The following TMEM53 variants were observed in gnomAD, a reference collection of about 807,000 sequenced individuals.
TMEM53 encodes the protein novel DUF829 domain-containing protein.
In TMEM53, 14 loss-of-function variants were observed where a neutral mutation model predicts 21.4. The ratio of observed to expected loss-of-function variants is 0.65; its 90% CI spans 0.43 to 1.02. The LOEUF (loss-of-function observed/expected upper bound fraction) is 1.02, where lower values mean the gene tolerates loss of function less well. Among genes scored for constraint, TMEM53 ranks in the 50% least tolerant of loss-of-function variants. The probability of loss-of-function intolerance (pLI) is 0.00; values close to 1 mark genes in which losing one functional copy is unlikely to be tolerated. For synonymous variants in TMEM53, 148 were observed against 157.4 expected (o/e 0.94, Z 0.45); for missense variants, 323 against 383.6 (o/e 0.84, Z 1.32).
chr1:44,665,773 T>G (rs139729408), intron 1 of TMEM53, among the ~76,000 whole-genome samples: 1,934 of 152,164 alleles, frequency 0.013, 48 homozygotes, highest in African/African-American at 0.043. Context: ...ACTACAAAAC[T>G]GTTAGACGAG....
intron 1 of TMEM53, among the ~76,000 whole-genome samples, chr1:44,661,750 C>T (rs1204664594): frequency 6.6e-6 from 1 of 152,140 alleles, no homozygotes; most frequent in African/African-American, 2.4e-5. Flanking sequence ...CTGCTCCCCA[C>T]CCTAAACTAC....
At position 44,668,916 on chromosome 1, in the gene TMEM53, T is replaced by C. The variant is rs920517366; in HGVS notation, c.61+5415A>G. On this transcript the variant is annotated intron_variant, in intron 1 of 2. Transcript: ENST00000372237. Reference sequence around the variant, plus strand: ...TAGCATAGTATCTAAGAGTACATACTGTACAAAATCATATCTCGGTTCAAA... The same window carrying C: ...TAGCATAGTATCTAAGAGTACATACCGTACAAAATCATATCTCGGTTCAAA... 2.0e-5 allele frequency among the ~76,000 whole-genome samples: 3 copies of C among 152,338 alleles called. No individual in the cohort carries two copies. The East Asian group carries it at 5.8e-4, about 29-fold the overall frequency.
intron 1 of TMEM53, among the ~76,000 whole-genome samples, chr1:44,671,696 A>G (rs1316120290): frequency 6.6e-6 from 1 of 152,254 alleles, no homozygotes; most frequent in Non-Finnish European, 1.5e-5. Context: ...TGGGAGGCTG[A>G]GGCGGGTGGA....
At position 44,655,211 on chromosome 1, in the gene TMEM53, T is replaced by C; in HGVS notation, c.184-2A>G. 1.3e-6 allele frequency: 2 copies of C among 1,594,720 alleles called. No homozygotes were observed. The highest frequency in any genetic ancestry group is 1.7e-6 in the Non-Finnish European group (2 of 1,169,678). On this transcript the variant is annotated splice_acceptor_variant, in intron 2 of 2. Transcript: ENST00000372237. LOFTEE classifies it high-confidence loss of function. This position sits in a 1 kb window ranked among gnomAD's most constrained non-coding sequence, Gnocchi z 4.4. ...TGTGTATCGGATTACGATGCAGCCC[T>C]GGGGAGAGAGGCCTGGTCAGTCCTC... is the stretch of plus-strand genomic sequence containing the variant.
chr1:44,663,303 C>T (rs1045893188), intron 1 of TMEM53, among the ~76,000 whole-genome samples: 8 of 152,188 alleles, frequency 5.3e-5, no homozygotes, highest in Admixed American at 2.0e-4. Context: ...TGAAGTGGCG[C>T]GATCTTGGCT....
At chr1:44,658,077 ACT>A (rs753084445) in intron 2 of TMEM53, among the ~76,000 whole-genome samples, 2 of 151,460 alleles carry the variant, frequency 1.3e-5, no homozygotes, top group Non-Finnish European at 1.5e-5. Flanking sequence ...TTTCCCAAAG[ACT>A]CTGCAGATTC....
chr1:44,666,207 T>C (rs1644947477), intron 1 of TMEM53, among the ~76,000 whole-genome samples: 1 of 152,206 alleles, frequency 6.6e-6, no homozygotes, highest in African/African-American at 2.4e-5. Context: ...AGGATGGCTA[T>C]AATTAAAAAG....
chr1:44,656,872 C>T (rs953137629), intron 2 of TMEM53, among the ~76,000 whole-genome samples: 10 of 152,082 alleles, frequency 6.6e-5, no homozygotes, highest in Admixed American at 3.3e-4. Context: ...ATTAGCCAGG[C>T]GTAGTGGCAC....
chr1:44,654,477 AG>A lies in TMEM53; in HGVS notation c.*81del. On this transcript the variant is annotated 3_prime_UTR_variant, in exon 3 of 3. Transcript: ENST00000372237. This position sits in a 1 kb window ranked among gnomAD's most constrained non-coding sequence, Gnocchi z 7.0. ...CCAAAGGGCTACAGGGAGTTGAACG[AG>A]AAGAGTGCCCGACAGATTGCAGGTT... The A allele has an allele frequency of 3.3e-6, 5 of 1,506,852 alleles. No individual in the cohort carries two copies. The Admixed American group carries it at 9.1e-5, about 27-fold the overall frequency. 93.3% of individuals were successfully genotyped at this position (1,506,852 alleles called of 1,614,324 possible).
intron 1 of TMEM53, among the ~76,000 whole-genome samples, chr1:44,671,127 C>G (rs1331848266): frequency 6.6e-6 from 1 of 152,146 alleles, no homozygotes; most frequent in Non-Finnish European, 1.5e-5. Context: ...CAGGAGAGAC[C>G]CTTCCCAAAT....
chr1:44,662,314 T>C (rs1290182761), intron 1 of TMEM53, among the ~76,000 whole-genome samples: 2 of 152,168 alleles, frequency 1.3e-5, no homozygotes, highest in African/African-American at 4.8e-5. Context: ...CTGCCAGCCC[T>C]CCCGGCCTCC....
At chr1:44,662,226 G>A (rs72671967) in intron 1 of TMEM53, among the ~76,000 whole-genome samples, 2,433 of 152,296 alleles carry the variant, frequency 0.016, 81 homozygotes, top group Admixed American at 0.066. Flanking sequence ...TTAACTGCCC[G>A]CACCGGTGGG....
At chr1:44,664,433 C>T (rs1482974532) in intron 1 of TMEM53, among the ~76,000 whole-genome samples, 15 of 138,622 alleles carry the variant, frequency 1.1e-4, no homozygotes, top group Non-Finnish European at 1.2e-4. Context: ...GCCTGGGCAA[C>T]AAGAGCGAAA....
chr1:44,669,946 G>A (rs1408562070), intron 1 of TMEM53, among the ~76,000 whole-genome samples: 1 of 151,776 alleles, frequency 6.6e-6, no homozygotes, highest in East Asian at 1.9e-4. Flanking sequence ...TTATAGGCAT[G>A]CGCCACCACA....
At chr1:44,670,182 A>G (rs1644986904) in intron 1 of TMEM53, among the ~76,000 whole-genome samples, 1 of 151,552 alleles carries the variant, frequency 6.6e-6, no homozygotes, top group African/African-American at 2.4e-5. Flanking sequence ...AAAAAAAAAA[A>G]AAGACCTTTG....
At chr1:44,667,598 G>A (rs1368645386) in intron 1 of TMEM53, among the ~76,000 whole-genome samples, 2 of 151,796 alleles carry the variant, frequency 1.3e-5, no homozygotes, top group Non-Finnish European at 2.9e-5. Flanking sequence ...ATGAGTCACC[G>A]CGCCCAGCCA....
chr1:44,672,514 C>T (rs1645010661), intron 1 of TMEM53, among the ~76,000 whole-genome samples: 1 of 152,210 alleles, frequency 6.6e-6, no homozygotes, highest in South Asian at 2.1e-4. Context: ...ACAGGAAGGC[C>T]TATTGTGGCT....
In TMEM53 at chr1:44,655,760, C is replaced by T. The variant is rs1040193331; in HGVS notation, c.184-551G>A. On this transcript the variant is annotated intron_variant, in intron 2 of 2. Transcript: ENST00000372237. This position sits in a 1 kb window ranked among gnomAD's most constrained non-coding sequence, Gnocchi z 4.4. Reference sequence around the variant, plus strand: ...CCACTTCTGAGCCAGGCCCACATCACTTTCATCACTGGTCACTGTCACCTT... The same window carrying T: ...CCACTTCTGAGCCAGGCCCACATCATTTTCATCACTGGTCACTGTCACCTT... 6.6e-6 allele frequency among the ~76,000 whole-genome samples: 1 copy of T among 152,166 alleles called. No individual in the cohort carries two copies. The highest frequency in any genetic ancestry group is 1.5e-5 in the Non-Finnish European group (1 of 68,030).
At chr1:44,665,694 A>ATTTG (rs1644943275) in intron 1 of TMEM53, among the ~76,000 whole-genome samples, 1 of 152,164 alleles carries the variant, frequency 6.6e-6, no homozygotes. Flanking sequence ...AAGAAAGAAA[A>ATTTG]ACGTTAAATC....
Sources: allele counts gnomAD v4.1 joint callset (sites outside exome capture counted in the v4.1 genomes callset), GRCh38; gene constraint gnomAD v4.1.1; non-coding constraint Gnocchi (gnomAD v3.1); transcripts MANE v1.5; gene names NCBI Gene and HGNC (gene_info 2026-07-23, HGNC 2026-07-21).